Variants in TRIM36 observed in about 807,000 individuals in gnomAD.
TRIM36 encodes tripartite motif containing 36.
In TRIM36, 42 loss-of-function variants were observed where a neutral mutation model predicts 72.4. That is an observed-to-expected ratio of 0.58 (90% CI 0.45 to 0.75). The LOEUF is 0.75. Among genes scored for constraint, TRIM36 ranks in the 30% least tolerant of loss-of-function variants. The pLI is 0.00. For missense variants in TRIM36, 913 were observed against 857.1 expected, an observed-to-expected ratio of 1.07 and a Z score of -0.81; for synonymous variants, 315 against 282.8, an observed-to-expected ratio of 1.11 and a Z score of -1.14.
intron 5 of TRIM36, 117 bp from the exon 6 acceptor site, chr5:115,137,733 A>T (rs1753039642): frequency 8.5e-7 from 1 of 1,179,314 alleles, no homozygotes; most frequent in African/African-American, 1.5e-5. Flanking sequence ...ATGTGATGAC[A>T]GCATTATCAA....
chr5:115,162,041 T>C (rs1297730447), intron 2 of TRIM36, among the ~76,000 whole-genome samples: 1 of 152,202 alleles, frequency 6.6e-6, no homozygotes, highest in African/African-American at 2.4e-5. Flanking sequence ...CTAAGTTAAA[T>C]CTGCCTTCCT....
intron 5 of TRIM36, among the ~76,000 whole-genome samples, chr5:115,138,311 G>A (rs1308828676): frequency 6.6e-6 from 1 of 152,052 alleles, no homozygotes; most frequent in Non-Finnish European, 1.5e-5. Flanking sequence ...GTGTTAGCTA[G>A]GATGGTCTTG....
At position 115,144,823 on chromosome 5, in the gene TRIM36, G is replaced by A. The variant is rs1324576042; in HGVS notation, c.589-79C>T. ...ACAAATTACCAAAATACAAAGATTT[G>A]CCTTATAAAATCACTAAATAAAGCC... On this transcript the variant is annotated intron_variant, in intron 3 of 9. Transcript: ENST00000513154. 1.5e-5 allele frequency: 22 copies of A among 1,467,674 alleles called. No individual in the cohort carries two copies. In the Admixed American group the frequency reaches 3.6e-4, roughly 24 times the overall value. 90.9% of individuals were successfully genotyped at this position (1,467,674 alleles called of 1,614,324 possible). A position where few individuals can be genotyped will look rare whatever the true frequency, so the allele number is the denominator to read the frequency against.
intron 1 of TRIM36, among the ~76,000 whole-genome samples, chr5:115,168,146 T>G (rs1754893895): frequency 6.6e-6 from 1 of 152,160 alleles, no homozygotes; most frequent in Admixed American, 6.5e-5. Flanking sequence ...AAGATGAGAT[T>G]TGGGTGTGGA....
chr5:115,158,531 G>A (rs902139799), intron 2 of TRIM36, among the ~76,000 whole-genome samples: 2 of 152,170 alleles, frequency 1.3e-5, no homozygotes, highest in East Asian at 1.9e-4. Context: ...CTTCCCCATC[G>A]CTATCCCTGG....
At chr5:115,143,403 A>T (rs2112825788) in intron 4 of TRIM36, among the ~76,000 whole-genome samples, 1 of 152,246 alleles carries the variant, frequency 6.6e-6, no homozygotes, top group Admixed American at 6.5e-5. Context: ...ACTCAAAGAA[A>T]ATAGCATTTG....
intron 9 of TRIM36, among the ~76,000 whole-genome samples, chr5:115,127,631 G>A (rs1424844977): frequency 1.3e-5 from 2 of 152,190 alleles, no homozygotes; most frequent in Admixed American, 1.3e-4. Context: ...AGGCTGTAGT[G>A]TAACCCATTA....
rs181576976 is a variant in TRIM36 at position 115,152,374 on chromosome 5, G to A, written c.263-4980C>T. 3.8e-3 allele frequency among the ~76,000 whole-genome samples: 575 copies of A among 152,250 alleles called. 2 individuals are homozygous for A. The highest frequency in any genetic ancestry group is 0.012 in the African/African-American group (517 of 41,552). ...AAGCCTCCAAGAAGCCTGGGATTAC[G>A]TTAAATGACCCACCCTAAGAATAAT... On this transcript the variant is annotated intron_variant, in intron 2 of 9. Transcript: ENST00000513154.
At chr5:115,179,955 C>T (rs746808971) in intron 1 of TRIM36, 1 of 1,613,330 alleles carries the variant, frequency 6.2e-7, no homozygotes, top group African/African-American at 1.3e-5. Flanking sequence ...GGCCGCGGCG[C>T]CCCGCGCCTC....
At chr5:115,149,099 AC>A (rs1248003689) in intron 2 of TRIM36, 5 of 152,230 alleles carry the variant, frequency 3.3e-5, no homozygotes, top group Non-Finnish European at 5.9e-5. Flanking sequence ...TTTAACGTTT[AC>A]ATTTTTAAAC....
chr5:115,165,950 C>T (rs1754752348), intron 1 of TRIM36, among the ~76,000 whole-genome samples: 1 of 152,154 alleles, frequency 6.6e-6, no homozygotes, highest in African/African-American at 2.4e-5. Context: ...TGAGGAGATG[C>T]TGACACACCA....
chr5:115,169,993 G>C, upstream of TRIM36: 4 of 1,108,730 alleles, frequency 3.6e-6, no homozygotes, highest in Non-Finnish European at 4.4e-6. Flanking sequence ...CCAGGCAACA[G>C]CGCCAGTCGC....
chr5:115,147,254 G>C lies in TRIM36; in HGVS notation c.403C>G (p.Gln135Glu), dbSNP rs748813217. The C allele has an allele frequency of 6.8e-6, 11 of 1,614,068 alleles. No homozygotes were observed. In the African/African-American group the frequency reaches 1.3e-4, roughly 20 times the overall value. Residue 135 changes from glutamine (Q) to glutamate (E), a missense_variant, in exon 3 of 10, where the codon CAA (glutamine) becomes GAA (glutamate). By Grantham distance (29) the Gln-to-Glu change is conservative. Coordinates refer to ENST00000513154, the MANE Select transcript of TRIM36 (RefSeq NM_001300759.2). Reference protein sequence around the residue: ...TLETIVERYRQAARAATAIMC... With the variant: ...TLETIVERYREAARAATAIMC... ...ATGGCTGTGGCTGCCCTAGCTGCTT[G>C]ACGATATCTTTCCACAATAGTTTCC... is the stretch of plus-strand genomic sequence containing the variant.
At chr5:115,170,868 G>C (rs984451093), upstream of TRIM36, among the ~76,000 whole-genome samples, 1 of 152,242 alleles carries the variant, frequency 6.6e-6, no homozygotes, top group South Asian at 2.1e-4. Flanking sequence ...GCTGCTGAAC[G>C]TTAAGGCGCG....
At chr5:115,174,916 G>A (rs1755267128) in intron 1 of TRIM36, among the ~76,000 whole-genome samples, 1 of 152,112 alleles carries the variant, frequency 6.6e-6, no homozygotes, top group Admixed American at 6.5e-5. Flanking sequence ...TTAATGATGA[G>A]TGTATTAGCT....
chr5:115,136,086 G>A (rs544581667), intron 7 of TRIM36, among the ~76,000 whole-genome samples: 9 of 152,212 alleles, frequency 5.9e-5, no homozygotes, highest in African/African-American at 1.7e-4. Flanking sequence ...GTTATGGACT[G>A]AATTGCATCC....
intron 1 of TRIM36, among the ~76,000 whole-genome samples, chr5:115,179,604 C>T (rs1245928279): frequency 6.6e-6 from 1 of 152,234 alleles, no homozygotes; most frequent in Non-Finnish European, 1.5e-5. Flanking sequence ...GTCACCCACT[C>T]GAAGTCACCA....
At chr5:115,149,022 T>C (rs1034113894) in intron 2 of TRIM36, 5 of 152,218 alleles carry the variant, frequency 3.3e-5, no homozygotes, top group South Asian at 2.1e-4. Context: ...CTATATGGCA[T>C]TGGGCCCCAA....
chr5:115,159,475 G>C (rs1300882891), intron 2 of TRIM36, among the ~76,000 whole-genome samples: 1 of 152,186 alleles, frequency 6.6e-6, no homozygotes, highest in Admixed American at 6.5e-5. Context: ...AACTTGCTTG[G>C]AAATTTAGTC....
Sources: gnomAD v4.1 joint callset for allele counts (sites outside exome capture counted in the v4.1 genomes callset) on GRCh38, gnomAD v4.1.1 for gene constraint, MANE v1.5 for transcripts, NCBI Gene and HGNC (gene_info 2026-07-23, HGNC 2026-07-21) for gene names.